Variants in PPP2R3A observed in about 807,000 individuals in gnomAD.
PPP2R3A encodes protein phosphatase 2 regulatory subunit B''alpha, also known as serine/threonine-protein phosphatase 2A regulatory subunit B'' subunit alpha.
A neutral mutation model predicts 106.9 loss-of-function variants in PPP2R3A; 80 were observed. The observed-to-expected ratio is 0.75, with a 90% CI of 0.62 to 0.90. PPP2R3A has a LOEUF of 0.90. Ranked by LOEUF, PPP2R3A falls within the 40% of genes least tolerant of loss-of-function variation. The pLI is 0.00. For missense variants in PPP2R3A, 1,386 were observed against 1,350.4 expected (o/e 1.03, Z -0.41); for synonymous variants, 483 against 468.3 (o/e 1.03, Z -0.41).
intron 13 of PPP2R3A, among the ~76,000 whole-genome samples, chr3:136,120,117 C>T (rs963272539): frequency 1.4e-5 from 2 of 145,798 alleles, no homozygotes; most frequent in African/African-American, 5.1e-5. Context: ...GGGACCTTAA[C>T]ATATCCAGGC....
intron 4 of PPP2R3A, among the ~76,000 whole-genome samples, chr3:136,041,887 G>T (rs1044062304): frequency 1.3e-5 from 2 of 151,748 alleles, no homozygotes; most frequent in Non-Finnish European, 2.9e-5. Flanking sequence ...TCTTCTTTAG[G>T]AGTTATTTTT....
At chr3:136,014,931 TC>T (rs1934218518) in intron 2 of PPP2R3A, among the ~76,000 whole-genome samples, 1 of 152,180 alleles carries the variant, frequency 6.6e-6, no homozygotes, top group African/African-American at 2.4e-5. Context: ...TTTCAACTTT[TC>T]CTTGTTCAGT....
At chr3:136,036,946 G>A (rs1220671872) in intron 3 of PPP2R3A, among the ~76,000 whole-genome samples, 1 of 152,232 alleles carries the variant, frequency 6.6e-6, no homozygotes, top group African/African-American at 2.4e-5. Context: ...CAGGCAGTGA[G>A]CTCTGTGTCT....
intron 2 of PPP2R3A, among the ~76,000 whole-genome samples, chr3:136,021,402 AG>A (rs1171280605): frequency 6.6e-6 from 1 of 152,132 alleles, no homozygotes; most frequent in African/African-American, 2.4e-5. Context: ...TGATGTGAAC[AG>A]AAGACTCTGC....
chr3:136,117,526 A>G (rs774032189), intron 13 of PPP2R3A, among the ~76,000 whole-genome samples: 11 of 152,230 alleles, frequency 7.2e-5, no homozygotes, highest in Non-Finnish European at 2.9e-5. Context: ...AATAGATGCA[A>G]TAAAAAATGA....
At position 136,031,841 on chromosome 3, in the gene PPP2R3A, C is replaced by T. The variant is rs532228014; in HGVS notation, c.2262+4743C>T. 1.1e-4 allele frequency among the ~76,000 whole-genome samples: 16 copies of T among 152,272 alleles called. No homozygotes were observed. The South Asian group carries it at 3.3e-3, about 32-fold the overall frequency. The stretch of plus-strand genomic sequence containing the variant: ...GTATTGGGCTTTATCTCTGTGTTCT[C>T]TATTCTGTTCCACTGGTCTATGTGC... On this transcript the variant is annotated intron_variant, in intron 3 of 13. Coordinates refer to ENST00000264977, the MANE Select transcript of PPP2R3A (RefSeq NM_002718.5).
chr3:136,015,839 A>G (rs1333511821), intron 2 of PPP2R3A, among the ~76,000 whole-genome samples: 2 of 149,170 alleles, frequency 1.3e-5, no homozygotes, highest in Non-Finnish European at 3.0e-5. Flanking sequence ...GATCTTTGTT[A>G]TTTCTTTTCT....
intron 1 of PPP2R3A, among the ~76,000 whole-genome samples, chr3:135,984,195 C>A (rs569517305): frequency 1.8e-4 from 28 of 151,976 alleles, no homozygotes; most frequent in Non-Finnish European, 3.5e-4. Context: ...GTTGAGAAAT[C>A]TGGAATTGTA....
At chr3:136,102,335 G>T (rs1446037732) in intron 11 of PPP2R3A, among the ~76,000 whole-genome samples, 153 bp downstream of exon 11, 2 of 147,316 alleles carry the variant, frequency 1.4e-5, no homozygotes, top group South Asian at 2.2e-4. Flanking sequence ...GACTATTAGT[G>T]TAGCAACTTT....
Position 136,147,344 on chromosome 3 carries a change from A to G in PPP2R3A, c.*2178A>G, listed in dbSNP as rs1476755781. ...ACGACACTGCACTCCAGCCTAGGCGACAGAGCAAGACCCCATTCTCTTACA... is the reference window on the plus strand; with the variant it reads ...ACGACACTGCACTCCAGCCTAGGCGGCAGAGCAAGACCCCATTCTCTTACA... On this transcript the variant is annotated 3_prime_UTR_variant, in exon 14 of 14. Transcript: ENST00000264977. 5 of 152,678 alleles carry G rather than the reference A, an allele frequency of 3.3e-5. No individual in the cohort carries two copies. The highest frequency in any genetic ancestry group is 1.2e-4 in the African/African-American group (5 of 41,474). 9.5% of individuals were successfully genotyped at this position (152,678 alleles called of 1,614,324 possible). A position where few individuals can be genotyped will look rare whatever the true frequency, so the allele number is the denominator to read the frequency against.
intron 13 of PPP2R3A, among the ~76,000 whole-genome samples, chr3:136,107,454 T>C (rs1267380979): frequency 8.2e-6 from 1 of 122,558 alleles, no homozygotes. Flanking sequence ...TTTTTTTTTT[T>C]TGAGACAGTC....
chr3:135,968,115 G>A (rs1035344573), intron 1 of PPP2R3A, among the ~76,000 whole-genome samples: 2 of 152,176 alleles, frequency 1.3e-5, no homozygotes, highest in Admixed American at 6.5e-5. Context: ...CTAAGCTTGA[G>A]GGCGGGAACA....
intron 5 of PPP2R3A, among the ~76,000 whole-genome samples, chr3:136,051,639 T>C (rs1935691102): frequency 6.6e-6 from 1 of 152,192 alleles, no homozygotes; most frequent in South Asian, 2.1e-4. Context: ...CATGCCATGA[T>C]TTTTTAAAAA....
intron 5 of PPP2R3A, among the ~76,000 whole-genome samples, chr3:136,057,753 T>C (rs1402080651): frequency 2.0e-5 from 3 of 152,076 alleles, no homozygotes; most frequent in Admixed American, 1.3e-4. Context: ...TGAAAGATCA[T>C]GTCACACCTG....
intron 13 of PPP2R3A, among the ~76,000 whole-genome samples, chr3:136,138,347 T>G (rs1938706229): frequency 6.6e-6 from 1 of 152,230 alleles, no homozygotes; most frequent in African/African-American, 2.4e-5. Context: ...GCCCACATTT[T>G]TATGCTGTCT....
At chr3:136,081,787 C>A (rs1353460505) in intron 7 of PPP2R3A, among the ~76,000 whole-genome samples, 6 of 152,122 alleles carry the variant, frequency 3.9e-5, no homozygotes, top group Admixed American at 6.6e-5. Context: ...TGCCAGGCCA[C>A]CATGTATCAT....
intron 13 of PPP2R3A, among the ~76,000 whole-genome samples, chr3:136,138,695 A>ATTTTTTTTTTTTTTTTTTTTTTTT (rs747811648): frequency 7.9e-5 from 4 of 50,638 alleles, no homozygotes; most frequent in Admixed American, 3.8e-4. Context: ...GAAATATTGA[A>ATTTTTTTTTTTTTTTTTTTTTTTT]TTTTTTTTTT....
intron 10 of PPP2R3A, among the ~76,000 whole-genome samples, chr3:136,093,221 C>T (rs978132286): frequency 6.6e-6 from 1 of 152,142 alleles, no homozygotes; most frequent in Non-Finnish European, 1.5e-5. Context: ...CCAGCCTGGG[C>T]AACATGGTGA....
At chr3:136,073,485 A>G (rs1037344480) in intron 6 of PPP2R3A, among the ~76,000 whole-genome samples, 1 of 152,220 alleles carries the variant, frequency 6.6e-6, no homozygotes, top group Non-Finnish European at 1.5e-5. Context: ...TGTTATTAAC[A>G]TTGTGCTGCT....
Sources: allele counts gnomAD v4.1 joint callset (sites outside exome capture counted in the v4.1 genomes callset), GRCh38; gene constraint gnomAD v4.1.1; transcripts MANE v1.5; gene names NCBI Gene and HGNC (gene_info 2026-07-23, HGNC 2026-07-21).